The following NDST4 variants were observed in gnomAD, a reference collection of about 807,000 sequenced individuals.
NDST4 encodes the protein N-deacetylase and N-sulfotransferase 4.
Under a neutral mutation model 100.8 loss-of-function variants are expected in NDST4, and 63 were observed. The observed-to-expected ratio is 0.62, with a 90% CI of 0.51 to 0.77. NDST4 has a LOEUF of 0.77. Among genes scored for constraint, NDST4 ranks in the 30% least tolerant of loss-of-function variants. The pLI is 0.00. For synonymous variants in NDST4, 377 were observed against 361.8 expected, an observed-to-expected ratio of 1.04 and a Z score of -0.48; for missense variants, 943 against 1,018.4, an observed-to-expected ratio of 0.93 and a Z score of 1.01.
intron 2 of NDST4, among the ~76,000 whole-genome samples, chr4:115,069,016 T>G (rs1013158650): frequency 1.3e-5 from 2 of 152,080 alleles, no homozygotes; most frequent in African/African-American, 4.8e-5. Flanking sequence ...AGTTGACTTA[T>G]ATACATAAAG....
At chr4:114,870,692 G>C in intron 7 of NDST4, 76 bp downstream of exon 7, 3 of 1,251,402 alleles carry the variant, frequency 2.4e-6, no homozygotes, top group Non-Finnish European at 3.3e-6. Flanking sequence ...GTCCAGCAGA[G>C]TGCCTAACAC....
intron 2 of NDST4, among the ~76,000 whole-genome samples, chr4:115,016,001 A>G (rs369648728): frequency 3.3e-5 from 5 of 152,048 alleles, no homozygotes; most frequent in African/African-American, 1.2e-4. Context: ...CATTCTGGAT[A>G]TGGATTTGCC....
intron 1 of NDST4, among the ~76,000 whole-genome samples, chr4:115,097,980 T>C (rs900250481): frequency 3.9e-5 from 6 of 152,210 alleles, no homozygotes; most frequent in Non-Finnish European, 7.3e-5. Context: ...TCAAATGTAA[T>C]ATCCTCAGTA....
rs183491838 is a variant in NDST4, at chr4:114,874,207, A to C, written c.1537-3257T>G. Reference sequence around the variant, plus strand: ...TCATAAAGAGTATTTTTATATCATAAGCAGATGTATATTATCATTTTATAA... The same window carrying C: ...TCATAAAGAGTATTTTTATATCATACGCAGATGTATATTATCATTTTATAA... On this transcript the variant is annotated intron_variant, in intron 6 of 13. Coordinates refer to ENST00000264363, the MANE Select transcript of NDST4 (RefSeq NM_022569.3). Among the ~76,000 whole-genome samples the C allele has an allele frequency of 3.9e-5, 6 of 152,324 alleles. No individual in the cohort carries two copies. The East Asian group carries it at 1.2e-3, about 29-fold the overall frequency.
intron 6 of NDST4, among the ~76,000 whole-genome samples, chr4:114,874,060 CAA>C (rs1724206716): frequency 6.6e-6 from 1 of 151,482 alleles, no homozygotes; most frequent in Non-Finnish European, 1.5e-5. Flanking sequence ...TTCATCATAA[CAA>C]TATTTTTTAT....
intron 1 of NDST4, among the ~76,000 whole-genome samples, chr4:115,082,963 G>T (rs975563877): frequency 6.6e-6 from 1 of 152,312 alleles, no homozygotes; most frequent in Middle Eastern, 3.4e-3. Flanking sequence ...TGATTTGAAA[G>T]AGCTGTGTTG....
chr4:115,083,205 C>G (rs561660374), intron 1 of NDST4, among the ~76,000 whole-genome samples: 1 of 152,132 alleles, frequency 6.6e-6, no homozygotes, highest in Non-Finnish European at 1.5e-5. Flanking sequence ...AATTCCAGCA[C>G]TTTGGGAGTC....
At position 114,929,104 on chromosome 4, in the gene NDST4, CCA is replaced by C. The variant is rs1560817073; in HGVS notation, c.1536+6100_1536+6101del. On this transcript the variant is annotated intron_variant, in intron 6 of 13. Transcript: ENST00000264363. ...TCCATCCATCCATCCATCCATCCAT[CCA>C]TCCATCCATCTATCTATCTATCTAT... 2.3e-3 allele frequency among the ~76,000 whole-genome samples: 301 copies of C among 129,926 alleles called. 2 individuals are homozygous for C. The highest frequency in any genetic ancestry group is 6.2e-3 in the African/African-American group (214 of 34,710). 85.2% of individuals were successfully genotyped at this position (129,926 alleles called of 152,430 possible). A position where few individuals can be genotyped will look rare whatever the true frequency, so the allele number is the denominator to read the frequency against.
At chr4:115,090,183 T>C (rs981114794) in intron 1 of NDST4, among the ~76,000 whole-genome samples, 17 of 151,858 alleles carry the variant, frequency 1.1e-4, no homozygotes, top group Non-Finnish European at 2.5e-4. Context: ...CTTTCTCTTG[T>C]ATTTCAGAGA....
rs371550920 is a variant in NDST4 at position 115,021,725 on chromosome 4, G to C, written c.979-44451C>G. 2.9e-3 allele frequency among the ~76,000 whole-genome samples: 408 copies of C among 139,262 alleles called. 1 individual carries two copies. The highest frequency in any genetic ancestry group is 4.3e-3 in the Non-Finnish European group (278 of 65,036). The allele number at this position is 139,262 out of a possible 152,430, so 91.4% of individuals were successfully genotyped here. A position where few individuals can be genotyped will look rare whatever the true frequency, so the allele number is the denominator to read the frequency against. ...ATCTATACACATTCCATATATATAC[G>C]TTCCACATCTATACACATTCCATAT... On this transcript the variant is annotated intron_variant, in intron 2 of 13. Transcript: ENST00000264363.
intron 4 of NDST4, among the ~76,000 whole-genome samples, chr4:114,937,809 C>G (rs992975625): frequency 1.5e-5 from 2 of 131,374 alleles, no homozygotes; most frequent in African/African-American, 3.0e-5. Context: ...ATGTGGGGGG[C>G]GGGGAAAGGT....
chr4:115,050,051 C>A (rs1414022335), intron 2 of NDST4, among the ~76,000 whole-genome samples: 1 of 152,090 alleles, frequency 6.6e-6, no homozygotes, highest in Non-Finnish European at 1.5e-5. Flanking sequence ...TTTAAAAAAT[C>A]TCTCACCTGA....
intron 2 of NDST4, among the ~76,000 whole-genome samples, chr4:115,075,538 G>A (rs1418737244): frequency 6.6e-6 from 1 of 152,146 alleles, no homozygotes; most frequent in African/African-American, 2.4e-5. Flanking sequence ...TGTAATCCCA[G>A]CACTTTGGAA....
intron 4 of NDST4, among the ~76,000 whole-genome samples, chr4:114,958,267 A>T (rs892047939): frequency 6.6e-6 from 1 of 152,158 alleles, no homozygotes; most frequent in Non-Finnish European, 1.5e-5. Context: ...AGAGACCCTA[A>T]ATCATCTCTC....
intron 1 of NDST4, among the ~76,000 whole-genome samples, chr4:115,095,961 A>G (rs1044863237): frequency 2.0e-5 from 3 of 152,034 alleles, no homozygotes; most frequent in South Asian, 2.1e-4. Flanking sequence ...AATATTTCAA[A>G]CCTCTAAAAT....
At chr4:115,027,714 G>A (rs1728018146) in intron 2 of NDST4, among the ~76,000 whole-genome samples, 1 of 152,048 alleles carries the variant, frequency 6.6e-6, no homozygotes, top group African/African-American at 2.4e-5. Flanking sequence ...TTAATATCAT[G>A]TTAAAACACC....
intron 2 of NDST4, among the ~76,000 whole-genome samples, chr4:114,991,126 A>C (rs1280943539): frequency 6.6e-6 from 1 of 152,128 alleles, no homozygotes; most frequent in Non-Finnish European, 1.5e-5. Context: ...TAAGCTAAGC[A>C]GAATGAGTAT....
intron 2 of NDST4, among the ~76,000 whole-genome samples, chr4:115,026,872 A>T (rs559314012): frequency 6.6e-6 from 1 of 152,214 alleles, no homozygotes; most frequent in South Asian, 2.1e-4. Flanking sequence ...TGATAGTTTT[A>T]TGGGAGATGA....
chr4:115,085,327 C>A (rs1021395873), intron 1 of NDST4, among the ~76,000 whole-genome samples: 7 of 152,078 alleles, frequency 4.6e-5, no homozygotes, highest in African/African-American at 1.4e-4. Context: ...CTTGCCTTGT[C>A]TCATATGAGA....
Sources: allele counts gnomAD v4.1 joint callset (sites outside exome capture counted in the v4.1 genomes callset), GRCh38; gene constraint gnomAD v4.1.1; transcripts MANE v1.5; gene names NCBI Gene and HGNC (gene_info 2026-07-23, HGNC 2026-07-21).